The following STK32B variants were observed in gnomAD, a reference collection of about 807,000 sequenced individuals.
STK32B encodes the protein serine/threonine kinase 32B, also known as serine/threonine-protein kinase 32B.
In STK32B, 43 loss-of-function variants were observed where a neutral mutation model predicts 52.6. The observed-to-expected ratio is 0.82, with a 90% CI of 0.64 to 1.05. STK32B has a LOEUF of 1.05. STK32B is among the 50% of genes least tolerant of loss of function. The pLI is 0.00. For missense variants in STK32B, 621 were observed against 534.6 expected, an observed-to-expected ratio of 1.16 and a Z score of -1.59; for synonymous variants, 238 against 204.3, an observed-to-expected ratio of 1.17 and a Z score of -1.41.
chr4:5,180,161 G>A (rs919275721), intron 3 of STK32B, among the ~76,000 whole-genome samples: 1 of 152,164 alleles, frequency 6.6e-6, no homozygotes, highest in Non-Finnish European at 1.5e-5. Flanking sequence ...GACTCCATAT[G>A]AGCCCTGCTC....
chr4:5,391,664 A>G (rs1736605434), intron 4 of STK32B, among the ~76,000 whole-genome samples: 1 of 152,216 alleles, frequency 6.6e-6, no homozygotes, highest in Non-Finnish European at 1.5e-5. Context: ...GGTCAAGCCT[A>G]CTGGCCAGAT....
chr4:5,126,313 C>T (rs1715361733), intron 1 of STK32B, among the ~76,000 whole-genome samples: 1 of 152,214 alleles, frequency 6.6e-6, no homozygotes, highest in Non-Finnish European at 1.5e-5. Flanking sequence ...TCCATCCCTC[C>T]CTTGTTCTCT....
chr4:5,059,663 T>C (rs557488549), intron 1 of STK32B, among the ~76,000 whole-genome samples: 93 of 152,308 alleles, frequency 6.1e-4, no homozygotes, highest in African/African-American at 2.0e-3. Flanking sequence ...ACATTCGAAG[T>C]GGACAAAATA....
chr4:5,298,476 G>T (rs1729351970), intron 3 of STK32B, among the ~76,000 whole-genome samples: 1 of 152,060 alleles, frequency 6.6e-6, no homozygotes, highest in Admixed American at 6.6e-5. Context: ...TTTCAGAGTT[G>T]CCCTGCCCGG....
intron 4 of STK32B, among the ~76,000 whole-genome samples, chr4:5,383,350 G>A (rs11724574): frequency 0.25 from 38,119 of 152,084 alleles, 5,661 homozygotes; most frequent in African/African-American, 0.42. Flanking sequence ...CTCAACAGCT[G>A]TGACAGTCAT....
rs371306579 is a variant in STK32B at position 5,394,212 on chromosome 4, C to T, written c.435-3995C>T. On this transcript the variant is annotated intron_variant, in intron 4 of 11. Transcript: ENST00000282908. The surrounding 1 kb of genome is among the most constrained non-coding windows in gnomAD (Gnocchi z 4.2). ...TGAGGGCTGGGGAATAATTCAAGAGCAGCACCGGGTTTTATAGCCCTGCAT... is the reference window on the plus strand; with the variant it reads ...TGAGGGCTGGGGAATAATTCAAGAGTAGCACCGGGTTTTATAGCCCTGCAT... Among the ~76,000 whole-genome samples, 25 of 152,260 alleles carry T rather than the reference C, an allele frequency of 1.6e-4. No homozygotes were observed. The East Asian group carries it at 3.5e-3, about 21-fold the overall frequency.
At chr4:5,246,174 A>G (rs1577239416) in intron 3 of STK32B, among the ~76,000 whole-genome samples, 1 of 152,198 alleles carries the variant, frequency 6.6e-6, no homozygotes, top group African/African-American at 2.4e-5. Flanking sequence ...GTGTTTTCCA[A>G]GTTGGTTCCT....
At chr4:5,257,920 GAGAA>G (rs1021960853) in intron 3 of STK32B, among the ~76,000 whole-genome samples, 66 of 152,184 alleles carry the variant, frequency 4.3e-4, no homozygotes, top group African/African-American at 1.4e-3. Context: ...TCCAGCCTGA[GAGAA>G]AGAGCAAGAC....
chr4:5,315,664 TTTTTTC>T (rs201061706), intron 3 of STK32B, among the ~76,000 whole-genome samples: 5 of 147,850 alleles, frequency 3.4e-5, no homozygotes, highest in Admixed American at 6.7e-5. Flanking sequence ...TTCTTGAGTA[TTTTTTC>T]TTTTTCTTTT....
intron 3 of STK32B, among the ~76,000 whole-genome samples, chr4:5,208,467 G>A (rs1722713768): frequency 6.6e-6 from 1 of 152,154 alleles, no homozygotes; most frequent in Non-Finnish European, 1.5e-5. Flanking sequence ...CTTTGTAGTT[G>A]TTATGGCATT....
intron 3 of STK32B, among the ~76,000 whole-genome samples, chr4:5,206,214 G>A (rs768752869): frequency 3.9e-5 from 6 of 152,158 alleles, no homozygotes; most frequent in Middle Eastern, 3.2e-3. Flanking sequence ...ACCCTTAGAA[G>A]CTAATGAAAG....
chr4:5,440,082 T>C (rs1158856524), intron 6 of STK32B, among the ~76,000 whole-genome samples: 1 of 151,918 alleles, frequency 6.6e-6, no homozygotes, highest in South Asian at 2.1e-4. Flanking sequence ...GACTTGGCGA[T>C]GCGGGCTCTT....
intron 1 of STK32B, among the ~76,000 whole-genome samples, chr4:5,133,031 C>T (rs891094237): frequency 2.6e-5 from 4 of 152,192 alleles, no homozygotes; most frequent in African/African-American, 9.7e-5. Flanking sequence ...CCCCTGACCT[C>T]AAGTGATCCA....
intron 2 of STK32B, among the ~76,000 whole-genome samples, chr4:5,164,859 A>G (rs1180839185): frequency 6.6e-6 from 1 of 152,196 alleles, no homozygotes; most frequent in Non-Finnish European, 1.5e-5. Context: ...TCAGTGCATT[A>G]GATTTAGCTT....
intron 4 of STK32B, among the ~76,000 whole-genome samples, chr4:5,343,307 C>T (rs949595823): frequency 2.0e-5 from 3 of 152,064 alleles, no homozygotes; most frequent in Admixed American, 6.6e-5. Context: ...GCATAGTATT[C>T]CATGGTGTAT....
intron 1 of STK32B, among the ~76,000 whole-genome samples, chr4:5,087,773 A>G (rs1050935160): frequency 3.5e-4 from 54 of 152,120 alleles, no homozygotes; most frequent in African/African-American, 1.2e-3. Flanking sequence ...TATGGATCTC[A>G]TAATATAGCC....
At chr4:5,030,498 C>T in the STK32B span, among the ~76,000 whole-genome samples, 9 of 152,330 alleles carry the variant, frequency 5.9e-5, no homozygotes, top group East Asian at 1.9e-4. Flanking sequence ...TGCCTGGAAA[C>T]GAACAATAGC....
At chr4:5,492,324 T>TTA (rs1221859888) in intron 11 of STK32B, among the ~76,000 whole-genome samples, 4 of 152,148 alleles carry the variant, frequency 2.6e-5, no homozygotes, top group Non-Finnish European at 5.9e-5. Context: ...CCTAGGTATT[T>TTA]TATTCTCTTT....
rs1243101673 is a variant in STK32B at position 5,416,974 on chromosome 4, C to T, written c.562+40C>T. 1.9e-6 allele frequency: 3 copies of T among 1,557,552 alleles called. No individual in the cohort carries two copies. The Admixed American group carries it at 5.4e-5, about 28-fold the overall frequency. On this transcript the variant is annotated intron_variant, in intron 6 of 11. Transcript: ENST00000282908. ...CCCCTTCTTTTCATGTGATCGGGCT[C>T]ACTGCCTAAGACTCAGCATCCTTCT...
Sources: gnomAD v4.1 joint callset for allele counts (sites outside exome capture counted in the v4.1 genomes callset) on GRCh38, gnomAD v4.1.1 for gene constraint, Gnocchi (gnomAD v3.1) non-coding constraint, MANE v1.5 for transcripts, NCBI Gene and HGNC (gene_info 2026-07-23, HGNC 2026-07-21) for gene names.